Variants in DIPK1C observed in about 807,000 individuals in gnomAD.
DIPK1C encodes familial non-conventional Alzheimer's dementia.
A neutral mutation model predicts 28.0 loss-of-function variants in DIPK1C; 33 were observed. The observed-to-expected ratio is 1.18, with a 90% CI of 0.89 to 1.58. The LOEUF is 1.58. DIPK1C is among the 40% of genes most tolerant of loss of function. DIPK1C has a pLI of 0.00. For missense variants in DIPK1C, 569 were observed against 568.5 expected (o/e 1.00, Z -0.01); for synonymous variants, 255 against 248.8 (o/e 1.02, Z -0.23).
rs572202212 is a variant in DIPK1C, at chr18:74,442,565, C to G, written c.877-449G>C. ...AGGATGGTCTCGATCTCCTGACCTCCTGATCTGCCCGCCTCGGCCTCCCAA... is the reference window on the plus strand; with the variant it reads ...AGGATGGTCTCGATCTCCTGACCTCGTGATCTGCCCGCCTCGGCCTCCCAA... On this transcript the variant is annotated intron_variant, in intron 2 of 3. Coordinates refer to ENST00000343998, the MANE Select transcript of DIPK1C (RefSeq NM_001044369.3). 2.1e-3 allele frequency among the ~76,000 whole-genome samples: 321 copies of G among 152,234 alleles called. 3 individuals are homozygous for G. The highest frequency in any genetic ancestry group is 0.01 in the South Asian group (49 of 4,822).
the DIPK1C span, among the ~76,000 whole-genome samples, chr18:74,463,610 T>C: frequency 6.6e-6 from 1 of 152,116 alleles, no homozygotes; most frequent in South Asian, 2.1e-4. Context: ...GGCACTGTCT[T>C]CAGGCAAGCG....
In DIPK1C at chr18:74,457,130, G is replaced by A. The variant is rs1258890190; in HGVS notation, c.130C>T (p.Arg44Cys). ...GWVLAAALLL[R>C]AHPGVLSERC... ...TCGGAGAGGACACCCGGGTGCGCGC[G>A]GAGCAGCAGCGCGGCCGCCAGCACC... The change falls in exon 1 of 4, where the codon CGC becomes TGC. Residue 44 changes from arginine to cysteine, a missense_variant. Arg to Cys is a radical substitution (Grantham distance 180, BLOSUM62 -3). Transcript: ENST00000343998. 1.2e-5 allele frequency: 18 copies of A among 1,443,476 alleles called. No homozygotes were observed. The highest frequency in any genetic ancestry group is 2.7e-5 in the Admixed American group (1 of 36,758). 89.4% of individuals were successfully genotyped at this position (1,443,476 alleles called of 1,614,324 possible). A position where few individuals can be genotyped will look rare whatever the true frequency, so the allele number is the denominator to read the frequency against.
chr18:74,439,693 ACCTGTAGTC>A, intron 3 of DIPK1C, among the ~76,000 whole-genome samples: 1 of 152,216 alleles, frequency 6.6e-6, no homozygotes, highest in East Asian at 1.9e-4. Context: ...GGTGGCACAC[ACCTGTAGTC>A]CCATTTATTT....
intron 1 of DIPK1C, among the ~76,000 whole-genome samples, chr18:74,452,195 C>T (rs1240402010): frequency 6.6e-6 from 1 of 152,152 alleles, no homozygotes; most frequent in African/African-American, 2.4e-5. Context: ...CATTAAAAGT[C>T]AGGGACCGTC....
At chr18:74,456,794 G>A (rs1275729909) in intron 1 of DIPK1C, among the ~76,000 whole-genome samples, 1 of 152,228 alleles carries the variant, frequency 6.6e-6, no homozygotes, top group Non-Finnish European at 1.5e-5. Context: ...GGTGGCGAGG[G>A]TAGGACGGAG....
Position 74,436,247 on chromosome 18 carries a change from C to A in DIPK1C, c.*254G>T, listed in dbSNP as rs1048830034. 2 of 518,498 alleles carry A rather than the reference C, an allele frequency of 3.9e-6. No homozygotes were observed. Among genetic ancestry groups the A allele is most frequent in the Admixed American group, 3.7e-5 (1 of 26,890 alleles). The allele number at this position is 518,498 out of a possible 1,614,324, so 32.1% of individuals were successfully genotyped here. ...GTGCACACAGGTTGGTGTCTTCTGACCGAGAGCCCTCCTGAAGGGAGGTCT... is the reference window on the plus strand; with the variant it reads ...GTGCACACAGGTTGGTGTCTTCTGAACGAGAGCCCTCCTGAAGGGAGGTCT... On this transcript the variant is annotated 3_prime_UTR_variant, in exon 4 of 4. Coordinates refer to ENST00000343998, the MANE Select transcript of DIPK1C (RefSeq NM_001044369.3).
chr18:74,451,932 C>G (rs979884071), intron 1 of DIPK1C, among the ~76,000 whole-genome samples: 1 of 152,212 alleles, frequency 6.6e-6, no homozygotes, highest in African/African-American at 2.4e-5. Context: ...TTTCATACAC[C>G]TAACGCACTG....
At chr18:74,454,182 T>A (rs151146167) in intron 1 of DIPK1C, among the ~76,000 whole-genome samples, 216 of 124,768 alleles carry the variant, frequency 1.7e-3, no homozygotes, top group African/African-American at 5.3e-3. Context: ...AGCCCTAGAG[T>A]CTGACCAGGA....
At chr18:74,463,750 A>G in the DIPK1C span, among the ~76,000 whole-genome samples, 1 of 152,166 alleles carries the variant, frequency 6.6e-6, no homozygotes, top group Non-Finnish European at 1.5e-5. Flanking sequence ...AGGATTTGTC[A>G]TTTCTCTTTC....
rs578131623 is a variant in DIPK1C, at chr18:74,436,300, C to A, written c.*201G>T. On this transcript the variant is annotated 3_prime_UTR_variant, in exon 4 of 4. Coordinates refer to ENST00000343998, the MANE Select transcript of DIPK1C (RefSeq NM_001044369.3). ...ACCTCCTCCCTCATCTCATTTTACACAAGGCGACAGGTCAGAGGCCAGGGT... is the reference window on the plus strand; with the variant it reads ...ACCTCCTCCCTCATCTCATTTTACAAAAGGCGACAGGTCAGAGGCCAGGGT... 1.7e-6 allele frequency: 1 copy of A among 584,894 alleles called. No homozygotes were observed. The highest frequency in any genetic ancestry group is 1.9e-5 in the African/African-American group (1 of 53,496). 36.2% of individuals were successfully genotyped at this position (584,894 alleles called of 1,614,324 possible).
Position 74,447,167 on chromosome 18 carries a change from C to A in DIPK1C, c.315G>T (p.Gln105His). The A allele has an allele frequency of 6.4e-7, 1 of 1,550,580 alleles. No homozygotes were observed. The highest frequency in any genetic ancestry group is 8.7e-7 in the Non-Finnish European group (1 of 1,146,992). ...CCACGGGCCGGCCGCGCCAGTCGGC[C>A]TGCAGCACCTTCTTGCCTCTGTTGT... Reference protein sequence around the residue: ...LHYNRGKKVLQADWRGRPVVL... With the variant: ...LHYNRGKKVLHADWRGRPVVL... The change falls in exon 2 of 4, where the codon CAG becomes CAT. Residue 105 changes from glutamine to histidine, a missense_variant. Coordinates refer to ENST00000343998, the MANE Select transcript of DIPK1C (RefSeq NM_001044369.3). The surrounding 1 kb of genome is among the most constrained non-coding windows in gnomAD (Gnocchi z 4.1).
rs1412882195 is a variant in DIPK1C at position 74,457,208 on chromosome 18, C to T, written c.52G>A (p.Gly18Arg). The change falls in exon 1 of 4, where the codon GGG (glycine) becomes AGG (arginine). Residue 18 changes from glycine to arginine, a missense_variant. Coordinates refer to ENST00000343998, the MANE Select transcript of DIPK1C (RefSeq NM_001044369.3). The part of the protein sequence containing the change: ...RGPAGWCRRR[G>R]RCGRGTLLAF... ...AGGAGCGTGCCCCGCCCGCAGCGCC[C>T]GCGCCTCCTGCACCACCCGGCAGGG... is the stretch of plus-strand genomic sequence containing the variant. The T allele has an allele frequency of 5.1e-6, 6 of 1,186,630 alleles. No homozygotes were observed. Among genetic ancestry groups the T allele is most frequent in the African/African-American group, 4.9e-5 (3 of 61,782 alleles). The allele number at this position is 1,186,630 out of a possible 1,614,324, so 73.5% of individuals were successfully genotyped here. A position where few individuals can be genotyped will look rare whatever the true frequency, so the allele number is the denominator to read the frequency against.
At position 74,442,018 on chromosome 18, in the gene DIPK1C, G is replaced by A. The variant is rs201490559; in HGVS notation, c.975C>T (p.Asp325=). ...CTGDEDCNFF[D]CFSRCDLRVN... ...CTCGTAAATCACATCTTGAAAAACA[G>A]TCAAAGAAATTGCAGTCTTCATCTC... The change falls in exon 3 of 4, where the codon GAC becomes GAT. Residue 325 remains aspartate, a synonymous_variant. Coordinates refer to ENST00000343998, the MANE Select transcript of DIPK1C (RefSeq NM_001044369.3). 601 of 1,614,054 alleles carry A rather than the reference G, an allele frequency of 3.7e-4. 1 individual carries two copies. The highest frequency in any genetic ancestry group is 3.7e-4 in the Non-Finnish European group (437 of 1,179,936).
At chr18:74,462,260 T>A (rs1167061299), upstream of DIPK1C, among the ~76,000 whole-genome samples, 1 of 152,188 alleles carries the variant, frequency 6.6e-6, no homozygotes, top group Non-Finnish European at 1.5e-5. Flanking sequence ...ATGCTCCCAC[T>A]TCCAGCCCCA....
At chr18:74,440,344 A>G (rs1986093957) in intron 3 of DIPK1C, among the ~76,000 whole-genome samples, 1 of 152,218 alleles carries the variant, frequency 6.6e-6, no homozygotes, top group African/African-American at 2.4e-5. Flanking sequence ...GTCAATAACC[A>G]GATATGTGCA....
chr18:74,464,487 T>C, the DIPK1C span, among the ~76,000 whole-genome samples: 1 of 152,354 alleles, frequency 6.6e-6, no homozygotes, highest in East Asian at 1.9e-4. Context: ...ACCAGAGTGG[T>C]ACATTTGCTA....
upstream of DIPK1C, among the ~76,000 whole-genome samples, chr18:74,458,336 C>T (rs1986564374): frequency 2.6e-5 from 4 of 152,208 alleles, no homozygotes; most frequent in Admixed American, 2.6e-4. Flanking sequence ...GATCGCTCTC[C>T]CGCCTGCCCT....
At chr18:74,438,686 A>G (rs1292736308) in intron 3 of DIPK1C, among the ~76,000 whole-genome samples, 1 of 152,194 alleles carries the variant, frequency 6.6e-6, no homozygotes, top group Non-Finnish European at 1.5e-5. Context: ...TACTCTTTAT[A>G]TCTTAAGGAT....
At chr18:74,459,013 G>A (rs4892219), upstream of DIPK1C, among the ~76,000 whole-genome samples, 111,931 of 151,920 alleles carry the variant, frequency 0.74, 42,564 homozygotes, top group East Asian at 0.98. Flanking sequence ...TAGAGGCAGG[G>A]GACCTGCTTG....
Sources: gnomAD v4.1 joint callset for allele counts (sites outside exome capture counted in the v4.1 genomes callset) on GRCh38, gnomAD v4.1.1 for gene constraint, Gnocchi (gnomAD v3.1) non-coding constraint, MANE v1.5 for transcripts, NCBI Gene and HGNC (gene_info 2026-07-23, HGNC 2026-07-21) for gene names.